The following ZNF728 variants were observed in gnomAD, a reference collection of about 807,000 sequenced individuals.
ZNF728 encodes zinc finger protein 728.
Under a neutral mutation model 12.5 loss-of-function variants are expected in ZNF728, and 12 were observed. The observed-to-expected ratio is 0.96, with a 90% CI of 0.61 to 1.55. ZNF728 has a LOEUF of 1.55. Among genes scored for constraint, ZNF728 ranks in the 40% most tolerant of loss-of-function variants. The pLI is 0.00. For missense variants in ZNF728, 692 were observed against 719.2 expected (o/e 0.96, Z 0.43); for synonymous variants, 205 against 240.7 (o/e 0.85, Z 1.37).
rs754896358 is a variant in ZNF728 at position 22,976,553 on chromosome 19, C to T, written c.784G>A (p.Gly262Ser). 2.5e-6 allele frequency: 4 copies of T among 1,612,616 alleles called. No homozygotes were observed. The highest frequency in any genetic ancestry group is 3.4e-6 in the Non-Finnish European group (4 of 1,179,918). Residue 262 changes from glycine (G) to serine (S), a missense_variant, in exon 4 of 4, where the codon GGC becomes AGC. Gly to Ser is a moderately conservative substitution (Grantham distance 56). Coordinates refer to ENST00000594710, the MANE Select transcript of ZNF728 (RefSeq NM_001267716.2). ...CTTGAGGACCGGGTGAAGGCTTTGC[C>T]ACATTCTTCACATTTGTAATGTTTC... The part of the protein sequence containing the change: ...GEKHYKCEEC[G>S]KAFTRSSSLI...
chr19:23,003,116 G>A lies in ZNF728; in HGVS notation c.-86C>T, dbSNP rs2145359760. On this transcript the variant is annotated 5_prime_UTR_variant, in exon 1 of 4. Transcript: ENST00000594710. ...AGGGCCATAGAAGCTGGGCCTTTAG[G>A]AGCGGACGACACACAGCAGTAAGGA... 1 of 1,478,538 alleles carries A rather than the reference G, an allele frequency of 6.8e-7. No homozygotes were observed. Among genetic ancestry groups the A allele is most frequent in the Non-Finnish European group, 9.1e-7 (1 of 1,100,162 alleles). The allele number at this position is 1,478,538 out of a possible 1,614,324, so 91.6% of individuals were successfully genotyped here.
chr19:22,982,488 T>C (rs1968870766), intron 3 of ZNF728, among the ~76,000 whole-genome samples: 1 of 152,164 alleles, frequency 6.6e-6, no homozygotes, highest in Non-Finnish European at 1.5e-5. Context: ...TACCATTAAC[T>C]TTCTTTACAG....
chr19:22,993,070 G>A (rs1390339919), intron 1 of ZNF728, among the ~76,000 whole-genome samples: 1 of 152,170 alleles, frequency 6.6e-6, no homozygotes, highest in Admixed American at 6.5e-5. Flanking sequence ...TTGTGGTCAT[G>A]GCTCTGGATA....
At position 22,977,131 on chromosome 19, in the gene ZNF728, C is replaced by A. The variant is rs530593347; in HGVS notation, c.227-21G>T. ...TATAACTGAAAAGAAATAAAAATAA[C>A]AAATTAGTCCACTTATTAGATAAAT... On this transcript the variant is annotated intron_variant, in intron 3 of 3. Transcript: ENST00000594710. The A allele has an allele frequency of 2.7e-6, 4 of 1,507,936 alleles. No individual in the cohort carries two copies. The Admixed American group carries it at 7.3e-5, about 28-fold the overall frequency. The allele number at this position is 1,507,936 out of a possible 1,614,324, so 93.4% of individuals were successfully genotyped here.
At chr19:22,997,310 G>A (rs1424318050) in intron 1 of ZNF728, among the ~76,000 whole-genome samples, 4 of 151,696 alleles carry the variant, frequency 2.6e-5, no homozygotes, top group Non-Finnish European at 5.9e-5. Context: ...CCACACACAC[G>A]GGCTACAGCT....
intron 1 of ZNF728, among the ~76,000 whole-genome samples, chr19:23,001,788 T>G (rs1969116154): frequency 6.6e-6 from 1 of 152,082 alleles, no homozygotes; most frequent in South Asian, 2.1e-4. Context: ...GTTGATAATA[T>G]GAATAAGGGA....
chr19:22,976,489 G>C lies in ZNF728; in HGVS notation c.848C>G (p.Pro283Arg). The C allele has an allele frequency of 6.2e-7, 1 of 1,612,678 alleles. No homozygotes were observed. Among genetic ancestry groups the C allele is most frequent in the Non-Finnish European group, 8.5e-7 (1 of 1,179,864 alleles). The change falls in exon 4 of 4, where the codon CCC (proline) becomes CGC (arginine). Residue 283 changes from proline (P) to arginine (R), a missense_variant. Transcript: ENST00000594710. ...EHKRSHAGEK[P>R]YKCEECGKAF... is the part of the protein sequence containing the mutation. ...TTTGCCACATTCTTCACATTTGTAG[G>C]GTTTCTCTCCAGCATGACTTCTCTT...
Position 22,976,532 on chromosome 19 carries a change from A to G in ZNF728, c.805T>C (p.Ser269Pro), listed in dbSNP as rs1293159977. 2.5e-6 allele frequency: 4 copies of G among 1,612,854 alleles called. No individual in the cohort carries two copies. The highest frequency in any genetic ancestry group is 3.4e-6 in the Non-Finnish European group (4 of 1,179,926). ...EECGKAFTRS[S>P]SLIEHKRSHA... ...CTTCTCTTATGTTCAATAAGGCTTG[A>G]GGACCGGGTGAAGGCTTTGCCACAT... is the stretch of plus-strand genomic sequence containing the variant. Residue 269 changes from serine to proline, a missense_variant, in exon 4 of 4, where the codon TCA becomes CCA. Around this residue, in one of 3 missense-constraint regions of ZNF728, gnomAD observed 440 missense variants for 459.6 expected, o/e 0.96. Coordinates refer to ENST00000594710, the MANE Select transcript of ZNF728 (RefSeq NM_001267716.2).
chr19:23,000,885 AC>A (rs1678919987), intron 1 of ZNF728, among the ~76,000 whole-genome samples: 1 of 116,308 alleles, frequency 8.6e-6, no homozygotes, highest in Non-Finnish European at 1.6e-5. Flanking sequence ...AAAAAAAAAA[AC>A]CAAAAAAAAA....
chr19:22,981,216 G>C (rs936019402), intron 3 of ZNF728, among the ~76,000 whole-genome samples: 2 of 152,160 alleles, frequency 1.3e-5, no homozygotes, highest in Non-Finnish European at 2.9e-5. Flanking sequence ...TGATTCCACA[G>C]AAATACAAAC....
intron 1 of ZNF728, among the ~76,000 whole-genome samples, chr19:22,994,773 CT>C (rs1969031161): frequency 6.6e-6 from 1 of 152,148 alleles, no homozygotes. Flanking sequence ...CTTTTTGGCT[CT>C]TTACATTTTA....
chr19:23,001,409 A>G (rs147891975), intron 1 of ZNF728, among the ~76,000 whole-genome samples: 9 of 152,350 alleles, frequency 5.9e-5, no homozygotes, highest in East Asian at 3.9e-4. Flanking sequence ...GCTACGCTTC[A>G]TATCTCAGGT....
At chr19:22,986,118 T>C (rs936823983) in intron 3 of ZNF728, among the ~76,000 whole-genome samples, 3 of 152,190 alleles carry the variant, frequency 2.0e-5, no homozygotes, top group Admixed American at 1.3e-4. Flanking sequence ...GGGCATTCTA[T>C]CACGCTGGAG....
chr19:23,000,679 T>C (rs534175920), intron 1 of ZNF728, among the ~76,000 whole-genome samples: 33 of 151,454 alleles, frequency 2.2e-4, no homozygotes, highest in African/African-American at 6.8e-4. Context: ...AACAGCCTGG[T>C]CAACATGGCA....
chr19:22,993,880 A>T (rs923782907), intron 1 of ZNF728, among the ~76,000 whole-genome samples: 2 of 152,222 alleles, frequency 1.3e-5, no homozygotes, highest in Non-Finnish European at 2.9e-5. Context: ...AAGGACTTGC[A>T]TTCCTCAGAC....
intron 3 of ZNF728, among the ~76,000 whole-genome samples, chr19:22,978,733 T>A (rs1968831781): frequency 6.6e-6 from 1 of 152,146 alleles, no homozygotes; most frequent in South Asian, 2.1e-4. Context: ...GGAGTGGACC[T>A]CCAGCAAGCT....
Position 22,976,839 on chromosome 19 carries a change from CCTTAT to C in ZNF728, c.493_497del (p.Ile165AlafsTer10), listed in dbSNP as rs773436141. 4.0e-5 allele frequency: 65 copies of C among 1,613,096 alleles called. No individual in the cohort carries two copies. Among genetic ancestry groups the C allele is most frequent in the Admixed American group, 8.4e-5 (5 of 59,828 alleles). On this transcript the variant is annotated frameshift_variant, in exon 4 of 4. Coordinates refer to ENST00000594710, the MANE Select transcript of ZNF728 (RefSeq NM_001267716.2). LOFTEE classifies it low-confidence loss of function (END_TRUNC). ...ATTTCAAAAGTTTCTTTCCAGTATGCCTTATCTTATGTCTTTTTGAATTTGAACAT... is the reference window on the plus strand; with the variant it reads ...ATTTCAAAAGTTTCTTTCCAGTATGCCTTATGTCTTTTTGAATTTGAACAT...
At chr19:22,994,523 CAG>C (rs1180070616) in intron 1 of ZNF728, among the ~76,000 whole-genome samples, 1 of 152,176 alleles carries the variant, frequency 6.6e-6, no homozygotes, top group East Asian at 1.9e-4. Context: ...ATTGCAAAGA[CAG>C]AAAGACAGTG....
chr19:22,992,221 G>A (rs923392628), intron 1 of ZNF728, among the ~76,000 whole-genome samples: 1 of 151,966 alleles, frequency 6.6e-6, no homozygotes, highest in African/African-American at 2.4e-5. Context: ...TAGGAACCAT[G>A]ACTGCTTCAT....
Sources: gnomAD v4.1 joint callset for allele counts (sites outside exome capture counted in the v4.1 genomes callset) on GRCh38, gnomAD v4.1.1 for gene constraint, gnomAD v4.1.1 regional missense constraint, MANE v1.5 for transcripts, NCBI Gene and HGNC (gene_info 2026-07-23, HGNC 2026-07-21) for gene names.